The following CALN1 variants were observed in gnomAD, a reference collection of about 807,000 sequenced individuals.
CALN1 encodes the protein calneuron 1.
In CALN1, 17 loss-of-function variants were observed where a neutral mutation model predicts 30.6. That is an observed-to-expected ratio of 0.56 (90% CI 0.38 to 0.83). The LOEUF (loss-of-function observed/expected upper bound fraction) is 0.83. Ranked by LOEUF, CALN1 falls within the 40% of genes least tolerant of loss-of-function variation. The probability of loss-of-function intolerance (pLI) is 0.00; values close to 1 mark genes in which losing one functional copy is unlikely to be tolerated. For missense variants in CALN1, 291 were observed against 354.9 expected (o/e 0.82, Z 1.45); for synonymous variants, 156 against 131.4 (o/e 1.19, Z -1.28).
At chr7:72,032,569 T>C (rs1003382683) in intron 4 of CALN1, among the ~76,000 whole-genome samples, 10 of 152,186 alleles carry the variant, frequency 6.6e-5, no homozygotes, top group Non-Finnish European at 1.0e-4. Flanking sequence ...TGGCATAGGA[T>C]CACAGGATCT....
At chr7:72,323,773 G>A (rs1801072916) in intron 2 of CALN1, among the ~76,000 whole-genome samples, 1 of 152,192 alleles carries the variant, frequency 6.6e-6, no homozygotes, top group South Asian at 2.1e-4. Flanking sequence ...GCTGAGCACG[G>A]TGGCTCATGC....
At chr7:72,182,058 T>C (rs1789848571) in intron 3 of CALN1, among the ~76,000 whole-genome samples, 2 of 152,196 alleles carry the variant, frequency 1.3e-5, no homozygotes, top group Admixed American at 6.5e-5. Context: ...GAATCATTTA[T>C]AGCTTGCCTT....
chr7:71,832,068 C>A (rs983392140), intron 5 of CALN1, among the ~76,000 whole-genome samples: 21 of 152,028 alleles, frequency 1.4e-4, no homozygotes, highest in African/African-American at 4.8e-4. Flanking sequence ...AGGTGGGAGG[C>A]TGATGTTGTC....
intron 3 of CALN1, among the ~76,000 whole-genome samples, chr7:72,227,170 C>T (rs149952725): frequency 1.1e-4 from 16 of 151,726 alleles, no homozygotes; most frequent in African/African-American, 3.9e-4. Flanking sequence ...TCTCAAACTT[C>T]AGCATCATGC....
At chr7:72,114,696 A>G (rs917237937) in intron 3 of CALN1, among the ~76,000 whole-genome samples, 6 of 152,152 alleles carry the variant, frequency 3.9e-5, no homozygotes, top group Non-Finnish European at 8.8e-5. Flanking sequence ...GAAGTGTGCT[A>G]GAAAAAGGAG....
At chr7:72,146,140 A>G (rs1208965536) in intron 3 of CALN1, among the ~76,000 whole-genome samples, 4 of 152,134 alleles carry the variant, frequency 2.6e-5, no homozygotes, top group East Asian at 3.9e-4. Context: ...GGCAGGAGAA[A>G]GAAATAAAGG....
At chr7:72,465,296 A>G in the CALN1 span, among the ~76,000 whole-genome samples, 2 of 145,806 alleles carry the variant, frequency 1.4e-5, no homozygotes, top group Non-Finnish European at 1.5e-5. Context: ...CCTCCCATAC[A>G]TATTTATCAC....
At position 72,004,239 on chromosome 7, in the gene CALN1, C is replaced by T. The variant is rs150581060; in HGVS notation, c.501+19418G>A. On this transcript the variant is annotated intron_variant, in intron 5 of 6. Coordinates refer to ENST00000395275, the MANE Select transcript of CALN1 (RefSeq NM_031468.4). ...CCAGAAATACACCCACATAAATATG[C>T]CCAATTGATTTTTGGCAAAGTCATC... Among the ~76,000 whole-genome samples the T allele has an allele frequency of 1.5e-3, 229 of 152,190 alleles. 3 individuals carry two copies. In the Middle Eastern group the frequency reaches 0.017, roughly 11 times the overall value.
chr7:72,306,628 A>G (rs977627151), intron 2 of CALN1, among the ~76,000 whole-genome samples: 2 of 146,054 alleles, frequency 1.4e-5, no homozygotes, highest in Non-Finnish European at 3.0e-5. Flanking sequence ...CTCTAAAAAA[A>G]AAAAGAAGAA....
intron 4 of CALN1, among the ~76,000 whole-genome samples, chr7:72,056,062 T>C (rs927323544): frequency 6.6e-6 from 1 of 152,050 alleles, no homozygotes; most frequent in Non-Finnish European, 1.5e-5. Flanking sequence ...TGAAGAAACC[T>C]ATACAACTTT....
intron 5 of CALN1, among the ~76,000 whole-genome samples, chr7:71,814,521 G>C (rs547570195): frequency 1.2e-4 from 19 of 152,180 alleles, no homozygotes; most frequent in Non-Finnish European, 2.5e-4. Context: ...GACTGTAACA[G>C]GGTCTATTAT....
At position 72,098,760 on chromosome 7, in the gene CALN1, G is replaced by GCACACACACACACA. The variant is rs1491327481; in HGVS notation, c.388+7390_388+7391insTGTGTGTGTGTGTG. On this transcript the variant is annotated intron_variant, in intron 4 of 6. Coordinates refer to ENST00000395275, the MANE Select transcript of CALN1 (RefSeq NM_031468.4). ...AACTCTGAGCAGTTCAGCCCATTTG[G>GCACACACACACACA]CGCGCACACACACACACACACACAC... Among the ~76,000 whole-genome samples, 343 of 101,350 alleles carry GCACACACACACACA rather than the reference G, an allele frequency of 3.4e-3. 9 individuals carry two copies. The highest frequency in any genetic ancestry group is 0.022 in the South Asian group (82 of 3,656). The allele number at this position is 101,350 out of a possible 152,430, so 66.5% of individuals were successfully genotyped here. A position where few individuals can be genotyped will look rare whatever the true frequency, so the allele number is the denominator to read the frequency against.
intron 2 of CALN1, among the ~76,000 whole-genome samples, chr7:72,307,874 CAA>C (rs1799756559): frequency 7.2e-6 from 1 of 139,246 alleles, no homozygotes; most frequent in Non-Finnish European, 1.5e-5. Flanking sequence ...TCCCAGACGA[CAA>C]GAGAAGCAAA....
chr7:71,789,838 G>A (rs950002557), intron 6 of CALN1, among the ~76,000 whole-genome samples: 3 of 152,098 alleles, frequency 2.0e-5, no homozygotes, highest in South Asian at 2.1e-4. Flanking sequence ...GCATTAGCCT[G>A]TAATTGCAGC....
At chr7:72,353,382 A>T (rs558437961) in intron 2 of CALN1, among the ~76,000 whole-genome samples, 12 of 152,336 alleles carry the variant, frequency 7.9e-5, no homozygotes, top group Middle Eastern at 3.4e-3. Context: ...ACATCTTGAC[A>T]AGGTGGAGTT....
chr7:72,148,729 A>AC (rs1786975554), intron 3 of CALN1, among the ~76,000 whole-genome samples: 1 of 152,050 alleles, frequency 6.6e-6, no homozygotes, highest in Admixed American at 6.6e-5. Flanking sequence ...ACATGGCAAA[A>AC]CCCCATCTCT....
At chr7:72,404,451 G>A (rs567007996) in intron 1 of CALN1, among the ~76,000 whole-genome samples, 18 of 152,354 alleles carry the variant, frequency 1.2e-4, no homozygotes, top group African/African-American at 4.3e-4. Context: ...CTCTTGAGAT[G>A]TGAAGTTCAG....
intron 6 of CALN1, among the ~76,000 whole-genome samples, chr7:71,798,125 G>GAGAC (rs1367074315): frequency 2.9e-4 from 7 of 23,784 alleles, no homozygotes; most frequent in East Asian, 1.1e-3. Context: ...GACAGAGACA[G>GAGAC]AGAGAGAGAG....
At chr7:72,309,829 C>G (rs1433906619) in intron 2 of CALN1, among the ~76,000 whole-genome samples, 1 of 152,198 alleles carries the variant, frequency 6.6e-6, no homozygotes, top group African/African-American at 2.4e-5. Context: ...CTTCCTTCAT[C>G]ACCAGGTCCA....
Sources: gnomAD v4.1 joint callset for allele counts (sites outside exome capture counted in the v4.1 genomes callset) on GRCh38, gnomAD v4.1.1 for gene constraint, MANE v1.5 for transcripts, NCBI Gene and HGNC (gene_info 2026-07-23, HGNC 2026-07-21) for gene names.